The following METTL5 variants were observed in gnomAD, a reference collection of about 807,000 sequenced individuals.
The protein encoded by METTL5 is rRNA N(6)-adenosine-methyltransferase METTL5.
In METTL5, 28 loss-of-function variants were observed where a neutral mutation model predicts 26.5. That is an observed-to-expected ratio of 1.06 (90% CI 0.78 to 1.45). METTL5 has a LOEUF of 1.45. METTL5 is among the 40% of genes most tolerant of loss of function. METTL5 has a pLI of 0.00. For missense variants in METTL5, 231 were observed against 249.9 expected (o/e 0.92, Z 0.51); for synonymous variants, 86 against 82.6 (o/e 1.04, Z -0.22).
intron 1 of METTL5, among the ~76,000 whole-genome samples, chr2:169,822,707 A>C (rs566836451): frequency 1.8e-4 from 28 of 152,068 alleles, no homozygotes; most frequent in Admixed American, 1.0e-3. Context: ...TTGGGATTAC[A>C]GACATGAGCC....
intron 6 of METTL5, 81 bp from the exon 7 acceptor site, chr2:169,811,939 G>C: frequency 6.8e-7 from 1 of 1,464,090 alleles, no homozygotes; most frequent in Non-Finnish European, 9.4e-7. Context: ...GTATTGTTCT[G>C]TTTGTGTTAT....
At chr2:169,823,401 G>C (rs1426815758) in intron 1 of METTL5, among the ~76,000 whole-genome samples, 3 of 152,168 alleles carry the variant, frequency 2.0e-5, no homozygotes, top group Non-Finnish European at 4.4e-5. Context: ...TTTTTGGTTG[G>C]AATCATGACA....
chr2:169,821,957 T>G lies in METTL5; in HGVS notation c.210A>C (p.Ala70=), dbSNP rs1172018023. 2 of 1,613,572 alleles carry G rather than the reference T, an allele frequency of 1.2e-6. No individual in the cohort carries two copies. The highest frequency in any genetic ancestry group is 2.7e-5 in the African/African-American group (2 of 74,850). The change falls in exon 2 of 7, where the codon GCA becomes GCC. Residue 70 remains alanine (A), a synonymous_variant. Transcript: ENST00000260953. ...CGCGVLSIGT[A]MLGAGLCVGF... The stretch of plus-strand genomic sequence containing the variant: ...GCATTACGTACCCTGCTCCTAACAT[T>G]GCAGTTCCGATGCTAAGTACTCCAC...
chr2:169,821,363 A>C (rs1049320699), intron 2 of METTL5, 90 bp from the exon 3 acceptor site: 72 of 939,996 alleles, frequency 7.7e-5, no homozygotes, highest in Non-Finnish European at 1.0e-4. Flanking sequence ...TTTAAACCAT[A>C]TATCTTTTTA....
Position 169,819,601 on chromosome 2 carries a change from C to A in METTL5, c.449G>T (p.Arg150Ile). 6.2e-7 allele frequency: 1 copy of A among 1,613,346 alleles called. No individual in the cohort carries two copies. The highest frequency in any genetic ancestry group is 8.5e-7 in the Non-Finnish European group (1 of 1,179,632). Reference protein sequence around the residue: ...AFLKTALEMARTAVYSLHKSS... With the variant: ...AFLKTALEMAITAVYSLHKSS... ...TTTGTGTAAGGAATATACTGCTGTT[C>A]TTGCCATTTCCAAAGCAGTCTTTAG... is the stretch of plus-strand genomic sequence containing the variant. Residue 150 changes from arginine (R) to isoleucine (I), a missense_variant, in exon 4 of 7, where the codon AGA becomes ATA. Transcript: ENST00000260953.
chr2:169,815,476 C>T lies in METTL5; in HGVS notation c.541+1G>A. 3 of 1,595,906 alleles carry T rather than the reference C, an allele frequency of 1.9e-6. No homozygotes were observed. Among genetic ancestry groups the T allele is most frequent in the Non-Finnish European group, 2.6e-6 (3 of 1,167,598 alleles). ...GATATTAGGATTGAGATTTGTCTTA[C>T]CTGCTATAATATCTATCTTGATTTT... On this transcript the variant is annotated splice_donor_variant, in intron 5 of 6. Transcript: ENST00000260953. LOFTEE classifies it high-confidence loss of function.
intron 6 of METTL5, 29 bp from the exon 7 acceptor site, chr2:169,811,887 T>C: frequency 2.5e-6 from 4 of 1,610,266 alleles, no homozygotes; most frequent in Non-Finnish European, 3.4e-6. Context: ...TTTTTTGTTG[T>C]TTAACTTGTC....
rs543535721 is a variant in METTL5 at position 169,813,705 on chromosome 2, A to T, written c.542-1199T>A. Among the ~76,000 whole-genome samples, 41 of 129,620 alleles carry T rather than the reference A, an allele frequency of 3.2e-4. No homozygotes were observed. In the South Asian group the frequency reaches 8.3e-3, roughly 26 times the overall value. The allele number at this position is 129,620 out of a possible 152,430, so 85.0% of individuals were successfully genotyped here. ...CCTCATCTCTACTAAAAATAATAATAATAAAAAAAACAGCTGGACGTGGTG... is the reference window on the plus strand; with the variant it reads ...CCTCATCTCTACTAAAAATAATAATTATAAAAAAAACAGCTGGACGTGGTG... On this transcript the variant is annotated intron_variant, in intron 5 of 6. Coordinates refer to ENST00000260953, the MANE Select transcript of METTL5 (RefSeq NM_014168.4).
At chr2:169,823,603 T>G (rs1185769210) in intron 1 of METTL5, among the ~76,000 whole-genome samples, 1 of 152,202 alleles carries the variant, frequency 6.6e-6, no homozygotes, top group Non-Finnish European at 1.5e-5. Context: ...GAAGATCGCT[T>G]CAGCCCAGGA....
At chr2:169,818,650 T>C (rs1055365070) in intron 4 of METTL5, among the ~76,000 whole-genome samples, 19 of 152,240 alleles carry the variant, frequency 1.2e-4, no homozygotes, top group African/African-American at 3.9e-4. Context: ...ACCATGTAAC[T>C]AGAATGTATT....
chr2:169,819,480 C>G, intron 4 of METTL5, 81 bp downstream of exon 4: 1 of 1,021,956 alleles, frequency 9.8e-7, no homozygotes, highest in South Asian at 1.4e-5. Flanking sequence ...ACTGTGGTAT[C>G]TAGTATTCAC....
rs1363978569 is a variant in METTL5, at chr2:169,824,519, C to A, written c.79G>T (p.Glu27Ter). ...DGFEKPKLLLEQYPTRPHIAA... is the reference protein window; with the variant it reads ...DGFEKPKLLL ...ATGTGCGGCCTGGTAGGATACTGTT[C>A]CAGAAGTAGCTTGGGCTTTTCAAAT... The change falls in exon 1 of 7, where the codon GAA becomes TAA. Residue 27 changes from glutamate (E) to a stop codon, truncating the protein, a stop_gained. Transcript: ENST00000260953. LOFTEE classifies it high-confidence loss of function. The A allele has an allele frequency of 6.2e-7, 1 of 1,614,184 alleles. No homozygotes were observed. Among genetic ancestry groups the A allele is most frequent in the Non-Finnish European group, 8.5e-7 (1 of 1,180,022 alleles).
chr2:169,816,366 A>G (rs2081504985), intron 4 of METTL5, among the ~76,000 whole-genome samples: 2 of 152,224 alleles, frequency 1.3e-5, no homozygotes, highest in South Asian at 4.1e-4. Context: ...GAAAATGGCC[A>G]TACTACCCAA....
In METTL5 at chr2:169,811,764, A is replaced by G. The variant is rs186906267; in HGVS notation, c.*56T>C. 1 of 1,613,048 alleles carries G rather than the reference A, an allele frequency of 6.2e-7. No individual in the cohort carries two copies. Among genetic ancestry groups the G allele is most frequent in the East Asian group, 2.2e-5 (1 of 44,844 alleles). On this transcript the variant is annotated 3_prime_UTR_variant, in exon 7 of 7. Transcript: ENST00000260953. ...GGTGCTGGAGACCAGTAGTTTAGTA[A>G]ACCAATTTTTTATTCATTTTAAATA...
intron 4 of METTL5, among the ~76,000 whole-genome samples, chr2:169,817,553 T>A (rs1228606821): frequency 6.6e-6 from 1 of 152,086 alleles, no homozygotes; most frequent in Non-Finnish European, 1.5e-5. Flanking sequence ...GATAATAGAC[T>A]GGATAAAGAA....
chr2:169,815,651 T>C, intron 4 of METTL5, 123 bp from the exon 5 acceptor site: 1 of 633,264 alleles, frequency 1.6e-6, no homozygotes, highest in South Asian at 2.6e-5. Context: ...TAGACCCTTA[T>C]AAAAATTTCA....
intron 6 of METTL5, 30 bp from the exon 7 acceptor site, chr2:169,811,888 T>G (rs1689970069): frequency 6.2e-7 from 1 of 1,609,330 alleles, no homozygotes; most frequent in East Asian, 2.2e-5. Context: ...TTTTTGTTGT[T>G]TAACTTGTCT....
At position 169,824,744 on chromosome 2, in the gene METTL5, C is replaced by A; in HGVS notation, c.-147G>T. ...GACCCGAAGACGCGCCCTAAGGAGA[C>A]GCCCGGACGCAGGGCACGGGGCGAG... On this transcript the variant is annotated 5_prime_UTR_variant, in exon 1 of 7. Coordinates refer to ENST00000260953, the MANE Select transcript of METTL5 (RefSeq NM_014168.4). 1.6e-6 allele frequency: 1 copy of A among 631,504 alleles called. No homozygotes were observed. The highest frequency in any genetic ancestry group is 2.8e-5 in the East Asian group (1 of 35,240). The allele number at this position is 631,504 out of a possible 1,614,324, so 39.1% of individuals were successfully genotyped here. A position where few individuals can be genotyped will look rare whatever the true frequency, so the allele number is the denominator to read the frequency against.
At chr2:169,819,040 T>C (rs928501422) in intron 4 of METTL5, among the ~76,000 whole-genome samples, 7 of 152,216 alleles carry the variant, frequency 4.6e-5, no homozygotes. Context: ...ACTATTGTGT[T>C]ATACTGACAC....
Sources: allele counts gnomAD v4.1 joint callset (sites outside exome capture counted in the v4.1 genomes callset), GRCh38; gene constraint gnomAD v4.1.1; transcripts MANE v1.5; gene names NCBI Gene and HGNC (gene_info 2026-07-23, HGNC 2026-07-21).